Variants in TMEM164 observed in about 807,000 individuals in gnomAD.
TMEM164 encodes RP13-360B22.2.
A neutral mutation model predicts 18.8 loss-of-function variants in TMEM164; 4 were observed. The observed-to-expected ratio is 0.21, with a 90% CI of 0.10 to 0.49. The LOEUF is 0.49. Ranked by LOEUF, TMEM164 falls within the 20% of genes least tolerant of loss-of-function variation. The pLI, the probability that TMEM164 is intolerant of heterozygous loss-of-function variation, is 0.98. For synonymous variants in TMEM164, 86 were observed against 101.7 expected (o/e 0.85, Z 0.93); for missense variants, 108 against 239.9 (o/e 0.45, Z 3.63).
chrX:110,055,401 A>G, intron 2 of TMEM164: 1 of 319,260 alleles, frequency 3.1e-6, no homozygotes, highest in Non-Finnish European at 6.3e-6. Context: ...TGGCGCCACT[A>G]GGGTTGTGCA....
intron 2 of TMEM164, among the ~76,000 whole-genome samples, chrX:110,057,143 A>G (rs1468192046): frequency 1.8e-5 from 2 of 111,401 alleles, no homozygotes; most frequent in Non-Finnish European, 3.8e-5. Context: ...CTTGTCCTGG[A>G]AAACTAAAAC....
chrX:110,158,314 T>A (rs1294665553), intron 5 of TMEM164, among the ~76,000 whole-genome samples: 1 of 112,000 alleles, frequency 8.9e-6, no homozygotes, highest in East Asian at 2.8e-4. Flanking sequence ...CACTGGTTTG[T>A]ACGGTTACCC....
chrX:110,056,598 C>T (rs916535818), intron 2 of TMEM164, among the ~76,000 whole-genome samples: 3 of 111,875 alleles, frequency 2.7e-5, no homozygotes, highest in Non-Finnish European at 5.6e-5. Context: ...CTATGTTTAA[C>T]CTCTCAAGGA....
intron 2 of TMEM164, among the ~76,000 whole-genome samples, chrX:110,033,048 T>A (rs190874010): frequency 8.9e-6 from 1 of 112,381 alleles, no homozygotes; most frequent in Non-Finnish European, 1.9e-5. Flanking sequence ...AGAAAGCTCA[T>A]GAGAACAATT....
chrX:110,172,109 A>G (rs1259169452), intron 6 of TMEM164, among the ~76,000 whole-genome samples: 1 of 112,113 alleles, frequency 8.9e-6, no homozygotes, highest in East Asian at 2.8e-4. Flanking sequence ...GGAAGAGCTC[A>G]GGACTGGGGC....
At chrX:110,067,520 AAGGG>A (rs2065520751) in intron 3 of TMEM164, 124 bp downstream of exon 3, 5 of 619,368 alleles carry the variant, frequency 8.1e-6, no homozygotes, top group Non-Finnish European at 1.3e-5. Context: ...GCACTTCCCA[AAGGG>A]ATGAAGGTCT....
At chrX:110,027,064 C>T (rs190954815) in intron 2 of TMEM164, among the ~76,000 whole-genome samples, 7 of 110,805 alleles carry the variant, frequency 6.3e-5, no homozygotes, top group African/African-American at 2.3e-4. Flanking sequence ...TGAGACCTCC[C>T]GTATAGTGCT....
intron 5 of TMEM164, among the ~76,000 whole-genome samples, chrX:110,166,449 A>G (rs2067160408): frequency 8.9e-6 from 1 of 112,282 alleles, no homozygotes; most frequent in Admixed American, 9.4e-5. Flanking sequence ...GTGAATGGGT[A>G]CCATGAATAA....
intron 4 of TMEM164, among the ~76,000 whole-genome samples, chrX:110,109,858 T>G (rs781433039): frequency 1.8e-5 from 2 of 112,210 alleles, no homozygotes; most frequent in South Asian, 3.7e-4. Flanking sequence ...GTCCTCAGAC[T>G]CCCAAATGTG....
rs1041788084 is a variant in TMEM164 at position 110,040,210 on chromosome X, G to A, written c.391-27137G>A. On this transcript the variant is annotated intron_variant, in intron 2 of 6. Coordinates refer to ENST00000372068, the MANE Select transcript of TMEM164 (RefSeq NM_032227.4). Reference sequence around the variant, plus strand: ...TATGTTAAATCCTACTTTTAGTGCAGAGAGGCAGCTTGCAAAAAGTACATT... The same window carrying A: ...TATGTTAAATCCTACTTTTAGTGCAAAGAGGCAGCTTGCAAAAAGTACATT... Among the ~76,000 whole-genome samples the A allele has an allele frequency of 3.6e-5, 4 of 112,324 alleles. No individual in the cohort carries two copies. The South Asian group carries it at 1.5e-3, about 41-fold the overall frequency.
Position 110,168,783 on chromosome X carries a change from T to C in TMEM164, c.587-2637T>C, listed in dbSNP as rs148723506. Among the ~76,000 whole-genome samples the C allele has an allele frequency of 2.2e-3, 244 of 112,653 alleles. 1 individual carries two copies. The highest frequency in any genetic ancestry group is 4.6e-3 in the Middle Eastern group (1 of 218). ...GGCCTTTTCCTTCTCTCTTTCTACG[T>C]ATGTTCCCATGACTTCAGTTACCAC... is the stretch of plus-strand genomic sequence containing the variant. On this transcript the variant is annotated intron_variant, in intron 5 of 6. Transcript: ENST00000372068.
intron 2 of TMEM164, among the ~76,000 whole-genome samples, chrX:110,032,589 C>G (rs993853605): frequency 8.9e-6 from 1 of 112,027 alleles, no homozygotes; most frequent in African/African-American, 3.2e-5. Context: ...ACCTTAGTTA[C>G]CTGATGCAGG....
chrX:110,097,174 G>T (rs966970886), intron 3 of TMEM164, among the ~76,000 whole-genome samples: 4 of 111,615 alleles, frequency 3.6e-5, no homozygotes, highest in Non-Finnish European at 7.5e-5. Flanking sequence ...ATTTCATCAT[G>T]TTGGCCAGGC....
chrX:110,135,243 A>G (rs1350751321), intron 4 of TMEM164, among the ~76,000 whole-genome samples: 1 of 110,628 alleles, frequency 9.0e-6, no homozygotes, highest in Non-Finnish European at 1.9e-5. Flanking sequence ...CTTCTAAAAA[A>G]AAAAAGGATC....
downstream of TMEM164, among the ~76,000 whole-genome samples, chrX:110,180,737 CTG>C (rs982706690): frequency 3.6e-5 from 4 of 111,526 alleles, no homozygotes; most frequent in African/African-American, 1.3e-4. Flanking sequence ...CTTGACACAT[CTG>C]TGCTAGGAAA....
intron 3 of TMEM164, among the ~76,000 whole-genome samples, chrX:110,080,799 G>T (rs1026006400): frequency 2.7e-5 from 3 of 110,963 alleles, no homozygotes; most frequent in Admixed American, 9.7e-5. Flanking sequence ...GCTCACTGCA[G>T]CCTTGGCCTG....
chrX:110,073,054 C>T (rs1360274610), intron 3 of TMEM164, among the ~76,000 whole-genome samples: 1 of 110,867 alleles, frequency 9.0e-6, no homozygotes, highest in Non-Finnish European at 1.9e-5. Context: ...TATTTTTTGA[C>T]AGGTTCTCAC....
At chrX:110,020,198 T>G (rs763051951) in intron 2 of TMEM164, among the ~76,000 whole-genome samples, 7 of 112,424 alleles carry the variant, frequency 6.2e-5, no homozygotes, top group African/African-American at 2.3e-4. Flanking sequence ...TATGTTTTTA[T>G]TAATTTTTGT....
intron 4 of TMEM164, among the ~76,000 whole-genome samples, chrX:110,138,428 G>T (rs777544173): frequency 1.8e-5 from 2 of 112,026 alleles, no homozygotes; most frequent in African/African-American, 6.5e-5. Flanking sequence ...ATACCGATTG[G>T]GAGTCATCAG....
Sources: allele counts gnomAD v4.1 joint callset (sites outside exome capture counted in the v4.1 genomes callset), GRCh38; gene constraint gnomAD v4.1.1; transcripts MANE v1.5; gene names NCBI Gene and HGNC (gene_info 2026-07-23, HGNC 2026-07-21).